The following UNC13B variants were observed in gnomAD, a reference collection of about 807,000 sequenced individuals.
UNC13B encodes protein unc-13 homolog B.
Under a neutral mutation model 211.0 loss-of-function variants are expected in UNC13B, and 144 were observed. That is an observed-to-expected ratio of 0.68 (90% CI 0.60 to 0.78). The LOEUF (loss-of-function observed/expected upper bound fraction) is 0.78, where lower values mean the gene tolerates loss of function less well. Ranked by LOEUF, UNC13B falls within the 30% of genes least tolerant of loss-of-function variation. The probability of loss-of-function intolerance (pLI) is 0.00; values close to 1 mark genes in which losing one functional copy is unlikely to be tolerated. For synonymous variants in UNC13B, 709 were observed against 725.8 expected (o/e 0.98, Z 0.37); for missense variants, 1,777 against 2,002.0 (o/e 0.89, Z 2.14).
rs556314876 is a variant in UNC13B, at chr9:35,338,753, G to A, written c.9414+24764G>A. Among the ~76,000 whole-genome samples, 6 of 152,242 alleles carry A rather than the reference G, an allele frequency of 3.9e-5. No individual in the cohort carries two copies. The East Asian group carries it at 9.7e-4, about 24-fold the overall frequency. ...GTACTCTGCGTCTGTGTTGATATTG[G>A]ACAATAAGGTAAGCACCTGCTGGTC... On this transcript the variant is annotated intron_variant, in intron 11 of 39. Coordinates refer to ENST00000635942, the MANE Select transcript of UNC13B (RefSeq NM_001371189.2).
rs1834380584 is a variant in UNC13B at position 35,376,035 on chromosome 9, A to T, written c.9623A>T (p.His3208Leu). Residue 3208 changes from histidine to leucine, a missense_variant, in exon 15 of 40, where the codon CAC (histidine) becomes CTC (leucine). Coordinates refer to ENST00000635942, the MANE Select transcript of UNC13B (RefSeq NM_001371189.2). ...TSLKDEELKSHVYKKTLQALI... is the reference protein window; with the variant it reads ...TSLKDEELKSLVYKKTLQALI... Reference sequence around the variant, plus strand: ...GGGGTATGTGTCTTTCAGAAATCCCACGTGTATAAGAAAACCCTGCAGGCC... The same window carrying T: ...GGGGTATGTGTCTTTCAGAAATCCCTCGTGTATAAGAAAACCCTGCAGGCC... 6.2e-7 allele frequency: 1 copy of T among 1,614,152 alleles called. No individual in the cohort carries two copies. The highest frequency in any genetic ancestry group is 8.5e-7 in the Non-Finnish European group (1 of 1,180,014).
chr9:35,357,450 A>T (rs188033394), intron 11 of UNC13B, among the ~76,000 whole-genome samples: 41 of 152,104 alleles, frequency 2.7e-4, no homozygotes, highest in Admixed American at 1.5e-3. Flanking sequence ...TTTGAGCTGT[A>T]AGAATTCTTT....
At chr9:35,353,388 A>T in intron 11 of UNC13B, 3 of 1,232,340 alleles carry the variant, frequency 2.4e-6, no homozygotes, top group Non-Finnish European at 3.0e-6. Context: ...AGTGGTTCCC[A>T]GTCAGAGAAC....
intron 11 of UNC13B, among the ~76,000 whole-genome samples, chr9:35,315,279 G>A (rs974589533): frequency 2.6e-5 from 4 of 151,992 alleles, no homozygotes; most frequent in Non-Finnish European, 5.9e-5. Flanking sequence ...GAAGTTACAT[G>A]TTTAATGACA....
rs1835983852 is a variant in UNC13B at position 35,397,750 on chromosome 9, G to A, written c.11754+38G>A. 4 of 1,606,466 alleles carry A rather than the reference G, an allele frequency of 2.5e-6. No individual in the cohort carries two copies. The African/African-American group carries it at 5.4e-5, about 21-fold the overall frequency. On this transcript the variant is annotated intron_variant, in intron 30 of 39. Transcript: ENST00000635942. ...CCTGGGACTCTTACAGAAAGAGAGT[G>A]GAAGACATTTGAATCCTTGCTTTTG...
intron 11 of UNC13B, among the ~76,000 whole-genome samples, chr9:35,330,891 T>G (rs1831330946): frequency 6.6e-6 from 1 of 152,152 alleles, no homozygotes; most frequent in Non-Finnish European, 1.5e-5. Flanking sequence ...AGGGATGCCA[T>G]AATGTCATCA....
At chr9:35,335,709 TA>T (rs1403066745) in intron 11 of UNC13B, among the ~76,000 whole-genome samples, 3 of 145,050 alleles carry the variant, frequency 2.1e-5, no homozygotes, top group Non-Finnish European at 3.1e-5. Context: ...TTTTTTTTTT[TA>T]AAGGGGTCTT....
intron 1 of UNC13B, among the ~76,000 whole-genome samples, chr9:35,190,526 T>C (rs983470579): frequency 9.2e-5 from 14 of 152,108 alleles, no homozygotes; most frequent in Admixed American, 2.0e-4. Flanking sequence ...TGGGGTTTCA[T>C]GAGGAAAACA....
rs760788019 is a variant in UNC13B at position 35,295,721 on chromosome 9, C to T, written c.552C>T (p.Val184=). The T allele has an allele frequency of 8.0e-5, 129 of 1,613,992 alleles. 3 individuals are homozygous for T. The highest frequency in any genetic ancestry group is 7.7e-4 in the South Asian group (70 of 91,064). ...QCSFEDPDSA[V]DDRDSDYRSE... Reference sequence around the variant, plus strand: ...CTTTTGAAGACCCTGATAGTGCCGTCGATGACCGAGATAGTGACTATCGCA... The same window carrying T: ...CTTTTGAAGACCCTGATAGTGCCGTTGATGACCGAGATAGTGACTATCGCA... Residue 184 remains valine (V), a synonymous_variant, in exon 8 of 40, where the codon GTC becomes GTT. Transcript: ENST00000635942.
chr9:35,382,596 T>A lies in UNC13B; in HGVS notation c.10806+89T>A. The A allele has an allele frequency of 2.0e-6, 3 of 1,468,080 alleles. No homozygotes were observed. The South Asian group carries it at 4.0e-5, about 20-fold the overall frequency. 90.9% of individuals were successfully genotyped at this position (1,468,080 alleles called of 1,614,324 possible). A position where few individuals can be genotyped will look rare whatever the true frequency, so the allele number is the denominator to read the frequency against. ...TTTTTTTTTTGAGACAGAGTCTCGCTCTGTTGCCCAGGCTGGAGTACAGTG... is the reference window on the plus strand; with the variant it reads ...TTTTTTTTTTGAGACAGAGTCTCGCACTGTTGCCCAGGCTGGAGTACAGTG... On this transcript the variant is annotated intron_variant, in intron 21 of 39. Transcript: ENST00000635942.
At chr9:35,311,469 C>G (rs866587164) in intron 10 of UNC13B, among the ~76,000 whole-genome samples, 2 of 152,216 alleles carry the variant, frequency 1.3e-5, no homozygotes, top group Admixed American at 1.3e-4. Context: ...ACTTTGACCT[C>G]TGGCCCAAAC....
At chr9:35,333,894 G>A (rs1010564986) in intron 11 of UNC13B, among the ~76,000 whole-genome samples, 9 of 152,140 alleles carry the variant, frequency 5.9e-5, no homozygotes, top group African/African-American at 2.2e-4. Flanking sequence ...CTGTCATTTG[G>A]AACAAACTTG....
intron 1 of UNC13B, among the ~76,000 whole-genome samples, chr9:35,197,246 C>T (rs1587349674): frequency 6.6e-6 from 1 of 151,786 alleles, no homozygotes; most frequent in Non-Finnish European, 1.5e-5. Flanking sequence ...CTCGCTCTCT[C>T]ACCGAGGCTG....
chr9:35,171,665 A>G (rs1821339411), intron 1 of UNC13B, among the ~76,000 whole-genome samples: 1 of 152,100 alleles, frequency 6.6e-6, no homozygotes, highest in African/African-American at 2.4e-5. Flanking sequence ...GGGACTCCCA[A>G]AGTTCTGAGG....
intron 1 of UNC13B, among the ~76,000 whole-genome samples, chr9:35,198,482 A>G (rs62543166): frequency 0.19 from 28,322 of 152,204 alleles, 2,968 homozygotes; most frequent in Non-Finnish European, 0.24. Context: ...TTCTTTATAC[A>G]GTATGTAGTC....
At chr9:35,166,251 G>A (rs1821032915) in intron 1 of UNC13B, among the ~76,000 whole-genome samples, 1 of 152,052 alleles carries the variant, frequency 6.6e-6, no homozygotes, top group South Asian at 2.1e-4. Context: ...GTGTGGTGGT[G>A]CTCACCTGTA....
chr9:35,210,900 G>T (rs1386281836), intron 1 of UNC13B, among the ~76,000 whole-genome samples: 1 of 152,042 alleles, frequency 6.6e-6, no homozygotes, highest in Non-Finnish European at 1.5e-5. Context: ...GAAGTGTTTT[G>T]TATTTTTGTT....
intron 11 of UNC13B, chr9:35,352,797 AG>A: frequency 8.1e-7 from 1 of 1,232,230 alleles, no homozygotes; most frequent in Non-Finnish European, 1.0e-6. Flanking sequence ...ACCCCCCATC[AG>A]TTTGAGGAAC....
At chr9:35,232,083 G>A (rs370030731) in intron 3 of UNC13B, among the ~76,000 whole-genome samples, 197 of 150,728 alleles carry the variant, frequency 1.3e-3, no homozygotes, top group African/African-American at 4.5e-3. Context: ...AAATCGATTT[G>A]CATGTTTTAT....
Sources: gnomAD v4.1 joint callset for allele counts (sites outside exome capture counted in the v4.1 genomes callset) on GRCh38, gnomAD v4.1.1 for gene constraint, MANE v1.5 for transcripts, NCBI Gene and HGNC (gene_info 2026-07-23, HGNC 2026-07-21) for gene names.